ALS2: variants seen among roughly 807,000 people sequenced by gnomAD.
The protein encoded by ALS2 is alsin.
A neutral mutation model predicts 203.4 loss-of-function variants in ALS2; 117 were observed. The observed-to-expected ratio is 0.58, with a 90% confidence interval of 0.50 to 0.67. The LOEUF is 0.67. Ranked by LOEUF, ALS2 falls within the 30% of genes least tolerant of loss-of-function variation. The pLI is 0.00. For missense variants in ALS2, 1,715 were observed against 1,989.4 expected, an observed-to-expected ratio of 0.86 and a Z score of 2.62; for synonymous variants, 718 against 725.9, an observed-to-expected ratio of 0.99 and a Z score of 0.17.
In ALS2 at chr2:201,709,741, C is replaced by T. The variant is rs1224936646; in HGVS notation, c.4280+140G>A. ...TTTTTATGTTTATAGCTTACACATA[C>T]ATTTAAAACATGTTTTACTTAATCT... On this transcript the variant is annotated intron_variant, in intron 27 of 33. Transcript: ENST00000264276. 27 of 1,033,754 alleles carry T rather than the reference C, an allele frequency of 2.6e-5. 1 individual carries two copies. The highest frequency in any genetic ancestry group is 4.0e-5 in the Non-Finnish European group (27 of 671,272). 64.0% of individuals were successfully genotyped at this position (1,033,754 alleles called of 1,614,324 possible).
At chr2:201,743,712 T>C (rs78257270) in intron 10 of ALS2, among the ~76,000 whole-genome samples, 1 of 152,126 alleles carries the variant, frequency 6.6e-6, no homozygotes, top group Admixed American at 6.5e-5. Context: ...CCTGACCTCA[T>C]GATCTGCCCT....
chr2:201,716,180 G>A (rs1476585492), intron 24 of ALS2, among the ~76,000 whole-genome samples: 1 of 152,128 alleles, frequency 6.6e-6, no homozygotes, highest in African/African-American at 2.4e-5. Context: ...GGCCAAGGCA[G>A]GTGGAACACC....
chr2:201,762,022 T>C (rs1189951149), intron 3 of ALS2, among the ~76,000 whole-genome samples: 2 of 152,372 alleles, frequency 1.3e-5, no homozygotes, highest in East Asian at 1.9e-4. Context: ...TTTAATATTC[T>C]GCACTATAGT....
chr2:201,739,235 C>CCA (rs745464396), intron 11 of ALS2, among the ~76,000 whole-genome samples: 1,591 of 40,894 alleles, frequency 0.039, 19 homozygotes, highest in Non-Finnish European at 0.066. Flanking sequence ...GACTGTCTCC[C>CCA]AAAAAAAAAA....
At chr2:201,739,538 T>C (rs1474004127) in intron 11 of ALS2, among the ~76,000 whole-genome samples, 2 of 151,290 alleles carry the variant, frequency 1.3e-5, no homozygotes. Context: ...AGGTCAGGAG[T>C]TCGAGACCAG....
intron 23 of ALS2, 92 bp from the exon 24 acceptor site, chr2:201,718,302 C>A (rs1277793428): frequency 6.4e-6 from 9 of 1,403,634 alleles, no homozygotes; most frequent in Non-Finnish European, 8.9e-6. Flanking sequence ...CTCTGTTGCC[C>A]AGGCTGGAGT....
In ALS2 at chr2:201,726,495, G is replaced by T. The variant is rs750529371; in HGVS notation, c.3237C>A (p.Gly1079=). Reference sequence around the variant, plus strand: ...CACAATTTTCTTACCCATCTTCCAAGCCATTCCTGAACATGCCAGAATACA... The same window carrying T: ...CACAATTTTCTTACCCATCTTCCAATCCATTCCTGAACATGCCAGAATACA... ...GKMYSGMFRN[G]LEDGYGEYRI... Residue 1079 remains glycine, a synonymous_variant, in exon 19 of 34, where the codon GGC becomes GGA. Coordinates refer to ENST00000264276, the MANE Select transcript of ALS2 (RefSeq NM_020919.4). The T allele has an allele frequency of 1.2e-6, 2 of 1,613,840 alleles. No homozygotes were observed. Among genetic ancestry groups the T allele is most frequent in the Non-Finnish European group, 1.7e-6 (2 of 1,179,886 alleles).
intron 16 of ALS2, 137 bp downstream of exon 16, chr2:201,727,568 T>C: frequency 3.8e-6 from 3 of 781,174 alleles, no homozygotes; most frequent in Non-Finnish European, 6.5e-6. Context: ...TACTGTCTAA[T>C]GTGCTGAGAG....
At chr2:201,713,550 G>C (rs1315253177) in intron 25 of ALS2, among the ~76,000 whole-genome samples, 2 of 152,040 alleles carry the variant, frequency 1.3e-5, no homozygotes, top group African/African-American at 4.8e-5. Context: ...AATCCATACT[G>C]ATCTATCTTC....
intron 20 of ALS2, among the ~76,000 whole-genome samples, chr2:201,724,802 A>G (rs1691045379): frequency 6.6e-6 from 1 of 152,146 alleles, no homozygotes; most frequent in African/African-American, 2.4e-5. Context: ...TTTTCATAAA[A>G]TTATGGTTTA....
At chr2:201,754,820 C>A in intron 5 of ALS2, 149 bp from the exon 6 acceptor site, 1 of 819,636 alleles carries the variant, frequency 1.2e-6, no homozygotes, top group Admixed American at 2.7e-5. Context: ...AAAAGGGGAC[C>A]TGTTAGTCAA....
chr2:201,718,542 T>C (rs1398988129), intron 23 of ALS2, among the ~76,000 whole-genome samples: 1 of 152,142 alleles, frequency 6.6e-6, no homozygotes, highest in Non-Finnish European at 1.5e-5. Context: ...ATTACAGGCA[T>C]GAGCTACCAC....
chr2:201,706,815 A>G, intron 29 of ALS2, 31 bp downstream of exon 29: 1 of 1,613,180 alleles, frequency 6.2e-7, no homozygotes, highest in Non-Finnish European at 8.5e-7. Flanking sequence ...AATTAAAACC[A>G]TTTGGTTGCG....
chr2:201,759,929 ATTTAG>A, intron 4 of ALS2: 1 of 985,012 alleles, frequency 1.0e-6, no homozygotes, highest in Non-Finnish European at 1.2e-6. Context: ...TTTTAAAACA[ATTTAG>A]TTTAAGCGGG....
chr2:201,736,576 AAAAG>A lies in ALS2; in HGVS notation c.2417+2090_2417+2093del, dbSNP rs575632952. Among the ~76,000 whole-genome samples, 869 of 152,300 alleles carry A rather than the reference AAAAG, an allele frequency of 5.7e-3. 2 individuals carry two copies. The highest frequency in any genetic ancestry group is 0.024 in the Middle Eastern group (7 of 294). Reference sequence around the variant, plus strand: ...TTGTTAAGAAGTTAACAGGTGAACAAAAAGAAAGTAGAAGGAAATAAAAAGCAGA... The same window carrying A: ...TTGTTAAGAAGTTAACAGGTGAACAAAAAGTAGAAGGAAATAAAAAGCAGA... On this transcript the variant is annotated intron_variant, in intron 12 of 33. Coordinates refer to ENST00000264276, the MANE Select transcript of ALS2 (RefSeq NM_020919.4).
chr2:201,752,288 T>C (rs1433638190), intron 7 of ALS2, among the ~76,000 whole-genome samples: 1 of 152,200 alleles, frequency 6.6e-6, no homozygotes, highest in Non-Finnish European at 1.5e-5. Flanking sequence ...ATGCATTTTA[T>C]ACTTATTCCT....
At chr2:201,771,336 C>T (rs566947123) in intron 1 of ALS2, among the ~76,000 whole-genome samples, 1 of 152,210 alleles carries the variant, frequency 6.6e-6, no homozygotes, top group African/African-American at 2.4e-5. Flanking sequence ...TATGAGCCAC[C>T]TTGAGCCACC....
At chr2:201,724,724 T>A (rs955561924) in intron 20 of ALS2, among the ~76,000 whole-genome samples, 1 of 152,208 alleles carries the variant, frequency 6.6e-6, no homozygotes, top group Non-Finnish European at 1.5e-5. Flanking sequence ...AATGAGTTAT[T>A]TTTAAGAGGG....
chr2:201,777,980 A>G (rs1694732883), intron 1 of ALS2, among the ~76,000 whole-genome samples: 2 of 152,094 alleles, frequency 1.3e-5, no homozygotes, highest in Admixed American at 1.3e-4. Flanking sequence ...GCTCTACTTT[A>G]TTGCTCTTTT....
Sources: gnomAD v4.1 joint callset for allele counts (sites outside exome capture counted in the v4.1 genomes callset) on GRCh38, gnomAD v4.1.1 for gene constraint, MANE v1.5 for transcripts, NCBI Gene and HGNC (gene_info 2026-07-23, HGNC 2026-07-21) for gene names.